Variants in UBOX5 observed in about 807,000 individuals in gnomAD.
UBOX5 encodes the protein RING finger protein 37.
A neutral mutation model predicts 39.0 loss-of-function variants in UBOX5; 28 were observed. The ratio of observed to expected loss-of-function variants is 0.72; its 90% CI spans 0.53 to 0.98. UBOX5 has a LOEUF of 0.98. UBOX5 is among the 50% of genes least tolerant of loss of function. The probability of loss-of-function intolerance (pLI) is 0.00; values close to 1 mark genes in which losing one functional copy is unlikely to be tolerated. For missense variants in UBOX5, 585 were observed against 674.4 expected (o/e 0.87, Z 1.47); for synonymous variants, 283 against 275.5 (o/e 1.03, Z -0.27).
chr20:3,126,398 A>G (rs1313759696), intron 1 of UBOX5, among the ~76,000 whole-genome samples: 2 of 152,082 alleles, frequency 1.3e-5, no homozygotes, highest in Non-Finnish European at 2.9e-5. Context: ...TCTGCCTAGG[A>G]AAACCAAAGA....
chr20:3,112,144 T>C (rs1431454340), intron 4 of UBOX5, among the ~76,000 whole-genome samples: 1 of 104,284 alleles, frequency 9.6e-6, no homozygotes, highest in African/African-American at 3.8e-5. Context: ...GAGGGAGGAA[T>C]GAAGGTGGGG....
chr20:3,109,988 G>C lies in UBOX5; in HGVS notation c.*118C>G. 1 of 1,209,804 alleles carries C rather than the reference G, an allele frequency of 8.3e-7. No individual in the cohort carries two copies. Among genetic ancestry groups the C allele is most frequent in the Non-Finnish European group, 1.2e-6 (1 of 849,036 alleles). The allele number at this position is 1,209,804 out of a possible 1,614,324, so 74.9% of individuals were successfully genotyped here. A position where few individuals can be genotyped will look rare whatever the true frequency, so the allele number is the denominator to read the frequency against. ...GTGAGGTGATGAAGAAGAGCCCCGGGAGGGAGCAGGCAGCTCTGTGCCTGG... is the reference window on the plus strand; with the variant it reads ...GTGAGGTGATGAAGAAGAGCCCCGGCAGGGAGCAGGCAGCTCTGTGCCTGG... On this transcript the variant is annotated 3_prime_UTR_variant, in exon 5 of 5. Transcript: ENST00000217173.
chr20:3,123,467 A>G, intron 1 of UBOX5, 61 bp from the exon 2 acceptor site: 1 of 1,261,848 alleles, frequency 7.9e-7, no homozygotes, highest in South Asian at 1.3e-5. Context: ...AACTTTCAGA[A>G]GTTGATTCTT....
rs374161411 is a variant in UBOX5, at chr20:3,122,408, G to A, written c.231C>T (p.Asn77=). 6.4e-5 allele frequency: 104 copies of A among 1,614,058 alleles called. No homozygotes were observed. The highest frequency in any genetic ancestry group is 8.3e-5 in the Non-Finnish European group (98 of 1,180,024). The change falls in exon 3 of 5, where the codon AAC becomes AAT. Residue 77 remains asparagine (N), a synonymous_variant. Coordinates refer to ENST00000217173, the MANE Select transcript of UBOX5 (RefSeq NM_014948.4). ...ATGTGTACATTTCCAGGCCAGTGAC[G>A]TTCTGACCTCCCCCAGCTGTGAGGT... ...NIDLTAGGGQ[N]VTGLEMYTSA...
rs756429435 is a variant in UBOX5, at chr20:3,115,365, G to C, written c.1357C>G (p.Gln453Glu). Residue 453 changes from glutamine (Q) to glutamate (E), a missense_variant, in exon 4 of 5, where the codon CAG (glutamine) becomes GAG (glutamate). Gln to Glu is a conservative substitution (Grantham distance 29). Coordinates refer to ENST00000217173, the MANE Select transcript of UBOX5 (RefSeq NM_014948.4). ...PSFTARLTRG[Q>E]LQHLGTRGSN... Reference sequence around the variant, plus strand: ...CCTCTTGTGCCAAGGTGCTGGAGCTGTCCCCTGGTCAGCCGTGCCGTGAAG... The same window carrying C: ...CCTCTTGTGCCAAGGTGCTGGAGCTCTCCCCTGGTCAGCCGTGCCGTGAAG... 10 of 1,614,036 alleles carry C rather than the reference G, an allele frequency of 6.2e-6. No homozygotes were observed. In the Middle Eastern group the frequency reaches 6.6e-4, roughly 106 times the overall value.
At chr20:3,137,751 C>G (rs896431725) in intron 1 of UBOX5, among the ~76,000 whole-genome samples, 8 of 152,212 alleles carry the variant, frequency 5.3e-5, no homozygotes, top group Admixed American at 3.9e-4. Context: ...TGATACAGAA[C>G]ACTTTTATCA....
intron 1 of UBOX5, among the ~76,000 whole-genome samples, chr20:3,129,007 T>C (rs2066410464): frequency 6.6e-6 from 1 of 152,202 alleles, no homozygotes; most frequent in African/African-American, 2.4e-5. Flanking sequence ...GGTATACCCT[T>C]AGCTACTTCT....
At chr20:3,159,449 A>G (rs1317420928) in intron 1 of UBOX5, among the ~76,000 whole-genome samples, 2 of 152,234 alleles carry the variant, frequency 1.3e-5, no homozygotes, top group East Asian at 1.9e-4. Flanking sequence ...GCGCGGCAGA[A>G]TATCTGACTA....
chr20:3,132,431 C>G (rs191363429), intron 1 of UBOX5, among the ~76,000 whole-genome samples: 3 of 152,118 alleles, frequency 2.0e-5, no homozygotes, highest in Admixed American at 1.3e-4. Flanking sequence ...ATGTACCGCA[C>G]TAAGATGTTA....
At chr20:3,135,055 G>T (rs968298685) in intron 1 of UBOX5, among the ~76,000 whole-genome samples, 1 of 152,112 alleles carries the variant, frequency 6.6e-6, no homozygotes, top group Non-Finnish European at 1.5e-5. Context: ...GATATGTCAT[G>T]AAATTGTTTC....
In UBOX5 at chr20:3,147,012, C is replaced by G. The variant is rs371032615; in HGVS notation, c.-42+12754G>C. 3.7e-6 allele frequency: 6 copies of G among 1,614,030 alleles called. No homozygotes were observed. The African/African-American group carries it at 6.7e-5, about 18-fold the overall frequency. On this transcript the variant is annotated intron_variant, in intron 1 of 4. Transcript: ENST00000217173. ...ATTCTTGGGGTCTGCATGCAGGCTG[C>G]GGGGCACAGGCCAGCCATCTCCATG...
chr20:3,119,236 C>G (rs116554569), intron 3 of UBOX5, among the ~76,000 whole-genome samples: 1 of 152,186 alleles, frequency 6.6e-6, no homozygotes, highest in African/African-American at 2.4e-5. Context: ...GGCAAGGAAC[C>G]GAGGGCAGCC....
chr20:3,121,438 T>C lies in UBOX5; in HGVS notation c.1201A>G (p.Lys401Glu), dbSNP rs759890017. The change falls in exon 3 of 5, where the codon AAG becomes GAG. Residue 401 changes from lysine (K) to glutamate (E), a missense_variant. Transcript: ENST00000217173. ...VLPTTSEHTA[K>E]KMKATNEPSL... ...GGCTCATTGGTGGCTTTCATTTTCT[T>C]AGCAGTGTGCTCTGAGGTAGTGGGT... is the stretch of plus-strand genomic sequence containing the variant. 1 of 1,614,104 alleles carries C rather than the reference T, an allele frequency of 6.2e-7. No homozygotes were observed. Among genetic ancestry groups the C allele is most frequent in the South Asian group, 1.1e-5 (1 of 91,074 alleles).
In UBOX5 at chr20:3,121,870, G is replaced by GCA; in HGVS notation, c.768_769insTG (p.Gln257CysfsTer55). 1 of 1,614,034 alleles carries GCA rather than the reference G, an allele frequency of 6.2e-7. No homozygotes were observed. Among genetic ancestry groups the GCA allele is most frequent in the East Asian group, 2.2e-5 (1 of 44,874 alleles). On this transcript the variant is annotated frameshift_variant, in exon 3 of 5. Coordinates refer to ENST00000217173, the MANE Select transcript of UBOX5 (RefSeq NM_014948.4). LOFTEE classifies it high-confidence loss of function. ...TCCAGGAACTCCTCAGGCACATCCTGAATGATCTCGGCCAGCTTCTGCAGG... is the reference window on the plus strand; with the variant it reads ...TCCAGGAACTCCTCAGGCACATCCTGCAAATGATCTCGGCCAGCTTCTGCAGG...
chr20:3,152,757 AATTAGCTG>A (rs1208327676), intron 1 of UBOX5, among the ~76,000 whole-genome samples: 2 of 151,226 alleles, frequency 1.3e-5, no homozygotes, highest in African/African-American at 4.9e-5. Context: ...AAAATACAAA[AATTAGCTG>A]GGCGTGGTAG....
chr20:3,121,578 G>T lies in UBOX5; in HGVS notation c.1061C>A (p.Pro354His). ...GRAQTALAVIPSSIVLPSQKR... is the reference protein window; with the variant it reads ...GRAQTALAVIHSSIVLPSQKR... ...CTGAGAGGGCAGAACAATGGAAGAA[G>T]GGATCACTGCCAATGCCGTCTGTGC... is the stretch of plus-strand genomic sequence containing the variant. The change falls in exon 3 of 5, where the codon CCT becomes CAT. Residue 354 changes from proline (P) to histidine (H), a missense_variant. By Grantham distance (77) the Pro-to-His change is moderately conservative. Coordinates refer to ENST00000217173, the MANE Select transcript of UBOX5 (RefSeq NM_014948.4). The T allele has an allele frequency of 6.2e-7, 1 of 1,605,740 alleles. No homozygotes were observed. Among genetic ancestry groups the T allele is most frequent in the Non-Finnish European group, 8.5e-7 (1 of 1,175,930 alleles).
chr20:3,134,269 T>C (rs1345776868), intron 1 of UBOX5, among the ~76,000 whole-genome samples: 1 of 152,176 alleles, frequency 6.6e-6, no homozygotes, highest in Non-Finnish European at 1.5e-5. Flanking sequence ...AACTTCCTCA[T>C]ATTTAATTGT....
At chr20:3,130,811 A>G (rs377223031) in intron 1 of UBOX5, among the ~76,000 whole-genome samples, 2 of 151,520 alleles carry the variant, frequency 1.3e-5, no homozygotes, top group African/African-American at 4.9e-5. Flanking sequence ...CTATTATCTC[A>G]ATAATGAGAA....
Position 3,110,012 on chromosome 20 carries a change from G to A in UBOX5, c.*94C>T. On this transcript the variant is annotated 3_prime_UTR_variant, in exon 5 of 5. Transcript: ENST00000217173. The stretch of plus-strand genomic sequence containing the variant: ...GGAGGGAGCAGGCAGCTCTGTGCCT[G>A]GGGCCTGGCCAGACCTCAGGGGTGC... 6.1e-6 allele frequency: 9 copies of A among 1,474,744 alleles called. No individual in the cohort carries two copies. Among genetic ancestry groups the A allele is most frequent in the African/African-American group, 1.4e-5 (1 of 72,402 alleles). The allele number at this position is 1,474,744 out of a possible 1,614,324, so 91.4% of individuals were successfully genotyped here. A position where few individuals can be genotyped will look rare whatever the true frequency, so the allele number is the denominator to read the frequency against.
Sources: gnomAD v4.1 joint callset for allele counts (sites outside exome capture counted in the v4.1 genomes callset) on GRCh38, gnomAD v4.1.1 for gene constraint, MANE v1.5 for transcripts, NCBI Gene and HGNC (gene_info 2026-07-23, HGNC 2026-07-21) for gene names.